LRRTM4: variants seen among roughly 807,000 people sequenced by gnomAD.
LRRTM4 encodes the protein leucine rich repeat transmembrane neuronal 4.
In LRRTM4, 25 loss-of-function variants were observed where a neutral mutation model predicts 47.6. The observed-to-expected ratio is 0.53, with a 90% CI of 0.38 to 0.73. The LOEUF (loss-of-function observed/expected upper bound fraction) is 0.73. LRRTM4 is among the 30% of genes least tolerant of loss of function. The probability of loss-of-function intolerance (pLI) is 0.00; values close to 1 mark genes in which losing one functional copy is unlikely to be tolerated. For synonymous variants in LRRTM4, 311 were observed against 269.5 expected, an observed-to-expected ratio of 1.15 and a Z score of -1.51; for missense variants, 638 against 713.4, an observed-to-expected ratio of 0.89 and a Z score of 1.20.
chr2:76,751,953 T>C (rs892064249), intron 3 of LRRTM4, among the ~76,000 whole-genome samples: 2 of 152,162 alleles, frequency 1.3e-5, no homozygotes, highest in Admixed American at 1.3e-4. Context: ...GGAAACAACA[T>C]TCACTGATTA....
chr2:76,965,633 CT>C (rs1676000178), intron 3 of LRRTM4, among the ~76,000 whole-genome samples: 2 of 151,302 alleles, frequency 1.3e-5, no homozygotes, highest in Admixed American at 1.3e-4. Context: ...TCAAAACTGA[CT>C]TAGCCTGATT....
chr2:77,278,596 G>A (rs1302816911), intron 3 of LRRTM4, among the ~76,000 whole-genome samples: 1 of 151,846 alleles, frequency 6.6e-6, no homozygotes, highest in African/African-American at 2.4e-5. Flanking sequence ...GAATTGGCAA[G>A]AAAAATTAAA....
intron 3 of LRRTM4, among the ~76,000 whole-genome samples, chr2:77,174,116 T>A (rs545508467): frequency 2.8e-4 from 42 of 152,190 alleles, no homozygotes; most frequent in African/African-American, 9.6e-4. Context: ...CATCCAGCCC[T>A]GCCCACCAAA....
chr2:77,033,559 AC>A (rs1330877268), intron 3 of LRRTM4, among the ~76,000 whole-genome samples: 1 of 151,892 alleles, frequency 6.6e-6, no homozygotes, highest in Non-Finnish European at 1.5e-5. Context: ...TATTTCTAAA[AC>A]AGTATTTTAA....
chr2:77,351,132 T>C (rs1199712704), intron 3 of LRRTM4, among the ~76,000 whole-genome samples: 5 of 152,176 alleles, frequency 3.3e-5, no homozygotes, highest in Non-Finnish European at 7.4e-5. Context: ...TCACGTGTTA[T>C]CATCATTTAG....
intron 3 of LRRTM4, among the ~76,000 whole-genome samples, chr2:77,469,099 A>C (rs1573455951): frequency 2.0e-5 from 3 of 152,198 alleles, no homozygotes. Context: ...GTTTCTTTAA[A>C]GGAAGGATAG....
At chr2:77,474,470 C>T (rs2103999185) in intron 3 of LRRTM4, among the ~76,000 whole-genome samples, 1 of 151,880 alleles carries the variant, frequency 6.6e-6, no homozygotes, top group Non-Finnish European at 1.5e-5. Context: ...TCAGTGGAAA[C>T]TTCTATAGAG....
intron 3 of LRRTM4, among the ~76,000 whole-genome samples, chr2:77,116,960 CACACAT>C (rs1671404947): frequency 6.6e-6 from 1 of 152,044 alleles, no homozygotes; most frequent in African/African-American, 2.4e-5. Flanking sequence ...CATATACACA[CACACAT>C]GCACACATCC....
At chr2:77,335,266 G>T (rs1671121250) in intron 3 of LRRTM4, among the ~76,000 whole-genome samples, 1 of 152,150 alleles carries the variant, frequency 6.6e-6, no homozygotes, top group African/African-American at 2.4e-5. Flanking sequence ...TTATTAGCTT[G>T]AAATGGCTAT....
intron 3 of LRRTM4, among the ~76,000 whole-genome samples, chr2:77,044,333 A>G (rs933619218): frequency 6.6e-6 from 1 of 151,780 alleles, no homozygotes; most frequent in Non-Finnish European, 1.5e-5. Flanking sequence ...CAAATATGGT[A>G]CTTGGAATGT....
intron 3 of LRRTM4, among the ~76,000 whole-genome samples, chr2:77,426,851 A>G (rs1675129389): frequency 6.6e-6 from 1 of 151,990 alleles, no homozygotes; most frequent in Admixed American, 6.6e-5. Context: ...ACACACAGAG[A>G]GAGAGAGAGG....
intron 3 of LRRTM4, among the ~76,000 whole-genome samples, chr2:77,321,447 T>C (rs1677785851): frequency 6.7e-6 from 1 of 149,638 alleles, no homozygotes; most frequent in African/African-American, 2.5e-5. Context: ...AGGTCTCCCA[T>C]ACAGGGGACA....
chr2:77,395,162 A>G (rs1284151578), intron 3 of LRRTM4, among the ~76,000 whole-genome samples: 4 of 151,892 alleles, frequency 2.6e-5, no homozygotes, highest in Non-Finnish European at 5.9e-5. Flanking sequence ...ATTTAACATT[A>G]TTGCTGGTCA....
chr2:77,191,174 T>A (rs1466159788), intron 3 of LRRTM4, among the ~76,000 whole-genome samples: 1 of 152,080 alleles, frequency 6.6e-6, no homozygotes, highest in Non-Finnish European at 1.5e-5. Context: ...TAGGACATAT[T>A]CTTTGAACTC....
intron 3 of LRRTM4, among the ~76,000 whole-genome samples, chr2:76,804,250 C>T (rs1394651837): frequency 6.6e-6 from 1 of 152,132 alleles, no homozygotes; most frequent in Non-Finnish European, 1.5e-5. Flanking sequence ...AACAGGCATT[C>T]TATTGTATTC....
chr2:76,998,429 T>C (rs1677282890), intron 3 of LRRTM4, among the ~76,000 whole-genome samples: 1 of 152,016 alleles, frequency 6.6e-6, no homozygotes, highest in Admixed American at 6.6e-5. Flanking sequence ...CCTTCTACTA[T>C]CTATATTATA....
intron 3 of LRRTM4, among the ~76,000 whole-genome samples, chr2:77,161,260 G>A (rs1428102990): frequency 4.6e-5 from 7 of 152,048 alleles, no homozygotes; most frequent in East Asian, 3.9e-4. Flanking sequence ...GTGGACTGAC[G>A]CCAACCCAAC....
At chr2:76,976,110 T>C (rs1676410242) in intron 3 of LRRTM4, among the ~76,000 whole-genome samples, 1 of 151,824 alleles carries the variant, frequency 6.6e-6, no homozygotes, top group South Asian at 2.1e-4. Context: ...TAAACCTTTA[T>C]ACAAATTTTA....
chr2:77,491,595 A>G (rs1006166347), intron 3 of LRRTM4, among the ~76,000 whole-genome samples: 1 of 151,988 alleles, frequency 6.6e-6, no homozygotes, highest in African/African-American at 2.4e-5. Flanking sequence ...AAAATTCTTC[A>G]TCAATCCACA....
Sources: allele counts gnomAD v4.1 joint callset (sites outside exome capture counted in the v4.1 genomes callset), GRCh38; gene constraint gnomAD v4.1.1; transcripts MANE v1.5; gene names NCBI Gene and HGNC (gene_info 2026-07-23, HGNC 2026-07-21).